Variants in UNC13C observed in about 807,000 individuals in gnomAD.
The protein encoded by UNC13C is protein unc-13 homolog C.
In UNC13C, 174 loss-of-function variants were observed where a neutral mutation model predicts 245.4. The observed-to-expected ratio is 0.71, with a 90% CI of 0.63 to 0.80. UNC13C has a LOEUF of 0.80. Among genes scored for constraint, UNC13C ranks in the 30% least tolerant of loss-of-function variants. The pLI is 0.00. For synonymous variants in UNC13C, 992 were observed against 895.1 expected (o/e 1.11, Z -1.93); for missense variants, 2,829 against 2,602.9 (o/e 1.09, Z -1.89).
intron 1 of UNC13C, among the ~76,000 whole-genome samples, chr15:54,002,158 C>T (rs1894922412): frequency 6.6e-6 from 1 of 152,100 alleles, no homozygotes; most frequent in Admixed American, 6.6e-5. Flanking sequence ...TGGTGGCGGG[C>T]ACCTGTAGTC....
At chr15:53,922,230 C>G in the UNC13C span, among the ~76,000 whole-genome samples, 1 of 152,176 alleles carries the variant, frequency 6.6e-6, no homozygotes, top group South Asian at 2.1e-4. Context: ...CAAATAAATT[C>G]TCTGCAACAC....
In UNC13C at chr15:54,014,168, C is replaced by T. The variant is rs1895523540; in HGVS notation, c.1265C>T (p.Pro422Leu). 3 of 1,613,698 alleles carry T rather than the reference C, an allele frequency of 1.9e-6. No individual in the cohort carries two copies. Among genetic ancestry groups the T allele is most frequent in the Middle Eastern group, 1.6e-4 (1 of 6,084 alleles). ...AGAGAAAGAAAAGAGAAAGGGATACCATCCTCCCAGACATATGAGAGCATG... is the reference window on the plus strand; with the variant it reads ...AGAGAAAGAAAAGAGAAAGGGATACTATCCTCCCAGACATATGAGAGCATG... The part of the protein sequence containing the change: ...DIRERKEKGI[P>L]SSQTYESMAI... Residue 422 changes from proline (P) to leucine (L), a missense_variant, in exon 2 of 33, where the codon CCA (proline) becomes CTA (leucine). Physicochemically the swap from Pro to Leu is moderately conservative, Grantham distance 98. Coordinates refer to ENST00000260323, the MANE Select transcript of UNC13C (RefSeq NM_001080534.3).
chr15:53,865,148 G>T, the UNC13C span, among the ~76,000 whole-genome samples: 2 of 152,146 alleles, frequency 1.3e-5, no homozygotes, highest in Non-Finnish European at 2.9e-5. Context: ...GGATATTTAA[G>T]TACTGAGAAA....
chr15:54,432,576 A>T (rs1338289145), intron 19 of UNC13C, among the ~76,000 whole-genome samples: 2 of 152,018 alleles, frequency 1.3e-5, no homozygotes, highest in African/African-American at 4.8e-5. Flanking sequence ...AACGTACCAG[A>T]ATCTCTGGGA....
intron 4 of UNC13C, among the ~76,000 whole-genome samples, chr15:54,219,670 A>G (rs1406470696): frequency 2.6e-5 from 4 of 151,432 alleles, no homozygotes; most frequent in Admixed American, 6.6e-5. Context: ...GCAACCTACA[A>G]AATGGGAGAA....
chr15:54,355,452 G>A (rs2039073053), intron 17 of UNC13C, among the ~76,000 whole-genome samples: 1 of 151,966 alleles, frequency 6.6e-6, no homozygotes. Flanking sequence ...TGCCTCCCGG[G>A]TGCAAGCTAT....
At chr15:54,072,745 C>A (rs942135355) in intron 2 of UNC13C, among the ~76,000 whole-genome samples, 2 of 152,012 alleles carry the variant, frequency 1.3e-5, no homozygotes, top group African/African-American at 4.8e-5. Flanking sequence ...ACTTTTGAGT[C>A]CTCATAATGA....
At chr15:54,021,304 T>A (rs1490320154) in intron 2 of UNC13C, among the ~76,000 whole-genome samples, 1 of 152,200 alleles carries the variant, frequency 6.6e-6, no homozygotes, top group African/African-American at 2.4e-5. Flanking sequence ...TAGCTCAAAC[T>A]TTTTACCCTT....
At chr15:54,598,214 T>A (rs888841876) in intron 30 of UNC13C, among the ~76,000 whole-genome samples, 1 of 152,174 alleles carries the variant, frequency 6.6e-6, no homozygotes, top group African/African-American at 2.4e-5. Flanking sequence ...TGCCTCAGCC[T>A]CCCGAGTAGC....
rs566137789 is a variant in UNC13C, at chr15:54,149,021, G to T, written c.3071+5337G>T. Among the ~76,000 whole-genome samples, 9 of 152,272 alleles carry T rather than the reference G, an allele frequency of 5.9e-5. No individual in the cohort carries two copies. The East Asian group carries it at 1.7e-3, about 29-fold the overall frequency. On this transcript the variant is annotated intron_variant, in intron 4 of 32. Transcript: ENST00000260323. Reference sequence around the variant, plus strand: ...CTGGTGGGAGGTGATTGGATCATGGGGGGCAGTTTCCCCCAGGCTGTTCTC... The same window carrying T: ...CTGGTGGGAGGTGATTGGATCATGGTGGGCAGTTTCCCCCAGGCTGTTCTC...
chr15:54,124,844 A>G (rs1448624461), intron 2 of UNC13C, among the ~76,000 whole-genome samples: 1 of 152,046 alleles, frequency 6.6e-6, no homozygotes, highest in Non-Finnish European at 1.5e-5. Context: ...ATTTATTTTT[A>G]TTTTTGCCTA....
chr15:54,622,562 C>T (rs1422836237), intron 31 of UNC13C, 143 bp downstream of exon 31: 1 of 592,698 alleles, frequency 1.7e-6, no homozygotes, highest in East Asian at 2.8e-5. Flanking sequence ...GAAACCCAAA[C>T]TTTTGATTAA....
intron 18 of UNC13C, among the ~76,000 whole-genome samples, chr15:54,401,068 T>C (rs865915768): frequency 6.6e-6 from 1 of 152,200 alleles, no homozygotes; most frequent in Admixed American, 6.5e-5. Context: ...AGAAGAACTT[T>C]CTTTCATTAA....
At chr15:53,883,641 T>C in the UNC13C span, among the ~76,000 whole-genome samples, 20 of 152,350 alleles carry the variant, frequency 1.3e-4, no homozygotes, top group East Asian at 3.3e-3. Flanking sequence ...GCATGTTCTT[T>C]CCCAAGATTA....
chr15:54,107,398 T>C (rs1900500372), intron 2 of UNC13C, among the ~76,000 whole-genome samples: 1 of 152,186 alleles, frequency 6.6e-6, no homozygotes, highest in South Asian at 2.1e-4. Context: ...TGTGTTGGTT[T>C]AGTTTTTGAT....
At chr15:53,981,674 A>C (rs934041764) in intron 1 of UNC13C, among the ~76,000 whole-genome samples, 1 of 152,210 alleles carries the variant, frequency 6.6e-6, no homozygotes, top group East Asian at 1.9e-4. Context: ...TTGAGAATGC[A>C]AAAGACTGAT....
intron 19 of UNC13C, among the ~76,000 whole-genome samples, chr15:54,426,415 G>A (rs1223774277): frequency 1.3e-5 from 2 of 150,042 alleles, no homozygotes; most frequent in Non-Finnish European, 3.0e-5. Flanking sequence ...GCCACCTTCA[G>A]TATCTTTACA....
At chr15:54,271,541 TAGG>T (rs1468762659) in intron 10 of UNC13C, among the ~76,000 whole-genome samples, 5 of 152,144 alleles carry the variant, frequency 3.3e-5, no homozygotes, top group African/African-American at 9.7e-5. Context: ...ATTTGAGAGT[TAGG>T]AGATGACATT....
chr15:54,072,637 G>T (rs1898384332), intron 2 of UNC13C, among the ~76,000 whole-genome samples: 2 of 152,184 alleles, frequency 1.3e-5, no homozygotes, highest in African/African-American at 4.8e-5. Flanking sequence ...TTAAAGGGAA[G>T]TTCAGTATAA....
Sources: gnomAD v4.1 joint callset for allele counts (sites outside exome capture counted in the v4.1 genomes callset) on GRCh38, gnomAD v4.1.1 for gene constraint, MANE v1.5 for transcripts, NCBI Gene and HGNC (gene_info 2026-07-23, HGNC 2026-07-21) for gene names.